The following SHISA9 variants were observed in gnomAD, a reference collection of about 807,000 sequenced individuals.
SHISA9 encodes shisa family member 9, also known as protein shisa-9.
A neutral mutation model predicts 38.0 loss-of-function variants in SHISA9; 13 were observed. The ratio of observed to expected loss-of-function variants is 0.34; its 90% CI spans 0.22 to 0.54. SHISA9 has a LOEUF of 0.54. SHISA9 is among the 20% of genes least tolerant of loss of function. SHISA9 has a pLI of 0.91. For missense variants in SHISA9, 538 were observed against 575.8 expected (o/e 0.93, Z 0.67); for synonymous variants, 275 against 242.0 (o/e 1.14, Z -1.27).
intron 2 of SHISA9, among the ~76,000 whole-genome samples, chr16:13,127,352 A>G: frequency 7.8e-6 from 1 of 128,736 alleles, no homozygotes; most frequent in African/African-American, 3.0e-5. Flanking sequence ...TGAGGGAGGG[A>G]GAAGGAGGGA....
chr16:13,446,998 A>T, the SHISA9 span, among the ~76,000 whole-genome samples: 1 of 147,244 alleles, frequency 6.8e-6, no homozygotes, highest in Non-Finnish European at 1.5e-5. Flanking sequence ...AAAAAAAAAA[A>T]GTGAAAGGGA....
In SHISA9 at chr16:12,910,651, C is replaced by T; in HGVS notation, c.564-6037C>T. The stretch of plus-strand genomic sequence containing the variant: ...CAACATAATTGTTGTTTTAAACAAA[C>T]AATTTTGTTTCAACATAATTCTCCT... On this transcript the variant is annotated intron_variant, in intron 1 of 4. Coordinates refer to ENST00000558583, the MANE Select transcript of SHISA9 (RefSeq NM_001145204.3). The T allele has an allele frequency of 7.1e-6, 7 of 985,372 alleles. No individual in the cohort carries two copies. The South Asian group carries it at 3.3e-4, about 46-fold the overall frequency. The allele number at this position is 985,372 out of a possible 1,614,324, so 61.0% of individuals were successfully genotyped here. A position where few individuals can be genotyped will look rare whatever the true frequency, so the allele number is the denominator to read the frequency against.
intron 2 of SHISA9, among the ~76,000 whole-genome samples, chr16:13,079,730 T>G (rs1480459412): frequency 6.6e-6 from 1 of 152,224 alleles, no homozygotes; most frequent in African/African-American, 2.4e-5. Context: ...CAATTTCAGA[T>G]TACTCGGGTT....
chr16:13,021,823 C>A (rs2072858316), intron 2 of SHISA9, among the ~76,000 whole-genome samples: 3 of 152,242 alleles, frequency 2.0e-5, no homozygotes, highest in African/African-American at 7.2e-5. Context: ...AATAACTGAC[C>A]ATTCTTTTCT....
intron 2 of SHISA9, among the ~76,000 whole-genome samples, chr16:12,926,329 C>A (rs772630938): frequency 3.7e-4 from 56 of 152,072 alleles, no homozygotes; most frequent in Non-Finnish European, 1.2e-4. Flanking sequence ...CAGTATTAGA[C>A]TACATTCACC....
chr16:12,945,240 G>C (rs1391856776), intron 2 of SHISA9, among the ~76,000 whole-genome samples: 2 of 152,084 alleles, frequency 1.3e-5, no homozygotes, highest in Non-Finnish European at 2.9e-5. Context: ...ATAGGGAACT[G>C]ACAGTGTCTG....
intron 2 of SHISA9, among the ~76,000 whole-genome samples, chr16:13,007,746 G>T (rs968421093): frequency 2.0e-5 from 3 of 152,186 alleles, no homozygotes; most frequent in African/African-American, 7.2e-5. Context: ...CTTTGCTTAT[G>T]CATCTTTCTT....
chr16:13,491,194 T>C, the SHISA9 span, among the ~76,000 whole-genome samples: 4 of 152,166 alleles, frequency 2.6e-5, no homozygotes, highest in Admixed American at 6.6e-5. Context: ...TCTTTGTTCT[T>C]TGCCATGGCT....
intron 2 of SHISA9, among the ~76,000 whole-genome samples, chr16:13,180,133 C>A (rs1241817888): frequency 6.6e-6 from 1 of 152,212 alleles, no homozygotes; most frequent in Non-Finnish European, 1.5e-5. Flanking sequence ...GTACGTGGAA[C>A]ATTTGTTCAA....
chr16:13,340,605 C>T, the SHISA9 span, among the ~76,000 whole-genome samples: 1 of 152,166 alleles, frequency 6.6e-6, no homozygotes, highest in East Asian at 1.9e-4. Context: ...CACCACAATC[C>T]GGACAGGGGG....
chr16:13,074,492 G>C (rs1433424416), intron 2 of SHISA9, among the ~76,000 whole-genome samples: 12 of 152,072 alleles, frequency 7.9e-5, no homozygotes, highest in Non-Finnish European at 1.5e-4. Flanking sequence ...AAAATTGAGA[G>C]CATTTAGCCT....
At chr16:13,143,525 G>A (rs1300179196) in intron 2 of SHISA9, among the ~76,000 whole-genome samples, 1 of 152,170 alleles carries the variant, frequency 6.6e-6, no homozygotes, top group Non-Finnish European at 1.5e-5. Flanking sequence ...GCTGTACTGT[G>A]ATCTGGTCAC....
intron 2 of SHISA9, among the ~76,000 whole-genome samples, chr16:13,006,005 C>T (rs893605860): frequency 6.6e-6 from 1 of 152,156 alleles, no homozygotes; most frequent in African/African-American, 2.4e-5. Flanking sequence ...CAAAGTCACC[C>T]ACAAAGGCAT....
the SHISA9 span, among the ~76,000 whole-genome samples, chr16:13,407,847 G>A: frequency 1.3e-5 from 2 of 152,162 alleles, no homozygotes; most frequent in Non-Finnish European, 2.9e-5. Context: ...ATATTATTGT[G>A]TAATTCAGTG....
chr16:13,108,831 C>T (rs1480181203), intron 2 of SHISA9, among the ~76,000 whole-genome samples: 1 of 152,062 alleles, frequency 6.6e-6, no homozygotes, highest in Non-Finnish European at 1.5e-5. Context: ...GTGTTGTGAG[C>T]CCCAAGTTGA....
At chr16:13,458,286 CAG>C in the SHISA9 span, 2 of 234,298 alleles carry the variant, frequency 8.5e-6, no homozygotes, top group African/African-American at 4.7e-5. Context: ...ATGTGGCTCT[CAG>C]GGGATCATGG....
chr16:12,964,277 A>G (rs2071949664), intron 2 of SHISA9, among the ~76,000 whole-genome samples: 1 of 152,176 alleles, frequency 6.6e-6, no homozygotes, highest in Non-Finnish European at 1.5e-5. Context: ...TCAATAAATT[A>G]TCCATTGCCT....
At chr16:13,199,998 C>T (rs999295867) in intron 2 of SHISA9, among the ~76,000 whole-genome samples, 17 of 152,092 alleles carry the variant, frequency 1.1e-4, no homozygotes, top group East Asian at 3.9e-4. Context: ...TAACATCTCC[C>T]GGAAGCAGCT....
At chr16:13,155,152 G>C (rs1307524927) in intron 2 of SHISA9, among the ~76,000 whole-genome samples, 1 of 152,222 alleles carries the variant, frequency 6.6e-6, no homozygotes, top group Non-Finnish European at 1.5e-5. Flanking sequence ...AAATGAAATG[G>C]AAGTAGATTA....
Sources: gnomAD v4.1 joint callset for allele counts (sites outside exome capture counted in the v4.1 genomes callset) on GRCh38, gnomAD v4.1.1 for gene constraint, MANE v1.5 for transcripts, NCBI Gene and HGNC (gene_info 2026-07-23, HGNC 2026-07-21) for gene names.